Variants in NAB2 observed in about 807,000 individuals in gnomAD.
NAB2 encodes the protein NGFI-A-binding protein 2.
In NAB2, 9 loss-of-function variants were observed where a neutral mutation model predicts 44.2. The ratio of observed to expected loss-of-function variants is 0.20; its 90% CI spans 0.12 to 0.36. NAB2 has a LOEUF of 0.36. NAB2 is among the 10% of genes least tolerant of loss of function. The pLI, the probability that NAB2 is intolerant of heterozygous loss-of-function variation, is 1.00. For missense variants in NAB2, 514 were observed against 709.0 expected (o/e 0.73, Z 3.12); for synonymous variants, 342 against 291.0 (o/e 1.18, Z -1.78).
At position 57,091,642 on chromosome 12, in the gene NAB2, G is replaced by A; in HGVS notation, c.601G>A (p.Glu201Lys). Reference sequence around the variant, plus strand: ...GTCGGACGTTGGGGCAGGAGGAGAAGAGGAGGCTGGCTCGCCCCCCTTCTC... The same window carrying A: ...GTCGGACGTTGGGGCAGGAGGAGAAAAGGAGGCTGGCTCGCCCCCCTTCTC... ...PESDVGAGGE[E>K]EAGSPPFSPP... The change falls in exon 2 of 7, where the codon GAG becomes AAG. Residue 201 changes from glutamate to lysine, a missense_variant. Coordinates refer to ENST00000300131, the MANE Select transcript of NAB2 (RefSeq NM_005967.4). The surrounding 1 kb of genome is among the most constrained non-coding windows in gnomAD (Gnocchi z 7.3). 1 of 1,607,918 alleles carries A rather than the reference G, an allele frequency of 6.2e-7. No individual in the cohort carries two copies. Among genetic ancestry groups the A allele is most frequent in the Non-Finnish European group, 8.5e-7 (1 of 1,176,512 alleles).
intron 3 of NAB2, 33 bp from the exon 4 acceptor site, chr12:57,092,884 C>T (rs761389540): frequency 6.2e-7 from 1 of 1,613,340 alleles, no homozygotes; most frequent in Non-Finnish European, 8.5e-7. Flanking sequence ...CCCTCGTCAG[C>T]CTCATCCACT....
At chr12:57,094,514 C>T (rs1001627481) in intron 6 of NAB2, 98 bp from the exon 7 acceptor site, 2 of 950,104 alleles carry the variant, frequency 2.1e-6, no homozygotes, top group African/African-American at 1.6e-5. Flanking sequence ...AAACTGAGCC[C>T]ATCTTCACAG....
rs2033194688 is a variant in NAB2 at position 57,091,832 on chromosome 12, T to C, written c.791T>C (p.Val264Ala). The C allele has an allele frequency of 6.2e-7, 1 of 1,613,850 alleles. No homozygotes were observed. The highest frequency in any genetic ancestry group is 8.5e-7 in the Non-Finnish European group (1 of 1,179,964). ...TTCCCAAGGGGGGATGCTGGGGAGG[T>C]CACATCCCTGCTAAAGCTGAATAAG... Reference protein sequence around the residue: ...RSFPRGDAGEVTSLLKLNKKL... With the variant: ...RSFPRGDAGEATSLLKLNKKL... Residue 264 changes from valine to alanine, a missense_variant, in exon 2 of 7, where the codon GTC (valine) becomes GCC (alanine). This residue lies in a region of NAB2 where 177 missense variants were observed against 200.5 expected (regional missense o/e 0.88). Transcript: ENST00000300131. The surrounding 1 kb of genome is among the most constrained non-coding windows in gnomAD (Gnocchi z 7.3).
In NAB2 at chr12:57,089,235, C is replaced by A. The variant is rs1023965173; in HGVS notation, c.-37C>A. On this transcript the variant is annotated 5_prime_UTR_variant, in exon 1 of 7. Transcript: ENST00000300131. ...CACGCAGCAGGCGCCGAGCGCCGGG[C>A]ACCGAGAAGGGCAGCCCGGGTGATC... The A allele has an allele frequency of 1.4e-5, 22 of 1,551,958 alleles. No homozygotes were observed. The highest frequency in any genetic ancestry group is 1.9e-5 in the Admixed American group (1 of 51,334).
At chr12:57,090,733 T>C (rs913647408) in intron 1 of NAB2, among the ~76,000 whole-genome samples, 3 of 152,166 alleles carry the variant, frequency 2.0e-5, no homozygotes, top group Admixed American at 6.5e-5. Context: ...GCTGAGTGTT[T>C]AGAGGGGAAG....
Position 57,091,299 on chromosome 12 carries a change from T to C in NAB2, c.258T>C (p.Leu86=). ...GEEEFLEIMA[L]VGMATKPLHV... ...AGGAGTTTCTGGAGATCATGGCACT[T>C]GTGGGCATGGCCACCAAGCCCCTCC... The change falls in exon 2 of 7, where the codon CTT becomes CTC. Residue 86 remains leucine (L), a synonymous_variant. Transcript: ENST00000300131. The surrounding 1 kb of genome is among the most constrained non-coding windows in gnomAD (Gnocchi z 7.3). The C allele has an allele frequency of 6.2e-7, 1 of 1,610,928 alleles. No homozygotes were observed. Among genetic ancestry groups the C allele is most frequent in the Non-Finnish European group, 8.5e-7 (1 of 1,177,330 alleles).
intron 2 of NAB2, 181 bp downstream of exon 2, chr12:57,092,179 G>T: frequency 8.5e-7 from 1 of 1,182,066 alleles, no homozygotes; most frequent in Non-Finnish European, 1.1e-6. Flanking sequence ...CTCAGCTGAG[G>T]GGGAAGCAGA....
rs772399002 is a variant in NAB2 at position 57,091,584 on chromosome 12, C to A, written c.543C>A (p.Asp181Glu). ...TGCCTGGGGGACCTGGGGCAGGGGACCCCCGGATCTGGCCAGGCCGGAGCA... is the reference window on the plus strand; with the variant it reads ...TGCCTGGGGGACCTGGGGCAGGGGAACCCCGGATCTGGCCAGGCCGGAGCA... ...SPLPGGPGAG[D>E]PRIWPGRSTP... is the part of the protein sequence containing the mutation. Residue 181 changes from aspartate (D) to glutamate (E), a missense_variant, in exon 2 of 7, where the codon GAC becomes GAA. This residue lies in a region of NAB2 where 177 missense variants were observed against 200.5 expected (regional missense o/e 0.88). Transcript: ENST00000300131. The surrounding 1 kb of genome is among the most constrained non-coding windows in gnomAD (Gnocchi z 7.3). 5.0e-6 allele frequency: 8 copies of A among 1,605,086 alleles called. No homozygotes were observed. In the South Asian group the frequency reaches 8.9e-5, roughly 18 times the overall value.
In NAB2 at chr12:57,092,403, G is replaced by A. The variant is rs552205694; in HGVS notation, c.958-45G>A. On this transcript the variant is annotated intron_variant, in intron 2 of 6. Coordinates refer to ENST00000300131, the MANE Select transcript of NAB2 (RefSeq NM_005967.4). ...GTGTGAGGAGGTCTGGTGAGGCAGCGGGGAAGTTCGAATTCTGACTCTCCT... is the reference window on the plus strand; with the variant it reads ...GTGTGAGGAGGTCTGGTGAGGCAGCAGGGAAGTTCGAATTCTGACTCTCCT... 17 of 1,605,646 alleles carry A rather than the reference G, an allele frequency of 1.1e-5. No individual in the cohort carries two copies. The East Asian group carries it at 2.9e-4, about 27-fold the overall frequency.
At chr12:57,092,344 G>A in intron 2 of NAB2, 104 bp from the exon 3 acceptor site, 2 of 1,482,694 alleles carry the variant, frequency 1.3e-6, no homozygotes, top group East Asian at 2.3e-5. Context: ...GCAAGCGTCT[G>A]ATGGATGGGC....
rs1281525385 is a variant in NAB2, at chr12:57,091,588, C to T, written c.547C>T (p.Arg183Trp). 2 of 1,604,904 alleles carry T rather than the reference C, an allele frequency of 1.2e-6. No homozygotes were observed. The highest frequency in any genetic ancestry group is 1.7e-6 in the Non-Finnish European group (2 of 1,173,858). ...LPGGPGAGDPRIWPGRSTPES... is the reference protein window; with the variant it reads ...LPGGPGAGDPWIWPGRSTPES... ...TGGGGGACCTGGGGCAGGGGACCCC[C>T]GGATCTGGCCAGGCCGGAGCACTCC... is the stretch of plus-strand genomic sequence containing the variant. Residue 183 changes from arginine to tryptophan, a missense_variant, in exon 2 of 7, where the codon CGG (arginine) becomes TGG (tryptophan). Arg to Trp is a moderately radical substitution (Grantham distance 101, BLOSUM62 -3). Transcript: ENST00000300131. This position sits in a 1 kb window ranked among gnomAD's most constrained non-coding sequence, Gnocchi z 7.3.
intron 6 of NAB2, among the ~76,000 whole-genome samples, chr12:57,094,366 G>C (rs912505733): frequency 6.6e-6 from 1 of 151,906 alleles, no homozygotes; most frequent in East Asian, 1.9e-4. Context: ...CAGCGCAACC[G>C]AGGAGGCGGG....
At chr12:57,094,472 C>T in intron 6 of NAB2, 140 bp from the exon 7 acceptor site, 10 of 710,038 alleles carry the variant, frequency 1.4e-5, no homozygotes, top group Non-Finnish European at 2.5e-5. Context: ...CATACACATG[C>T]AGTGGGCAGG....
In NAB2 at chr12:57,089,741, C is replaced by CCGGGCTCCTGGAGAAGG. The variant is rs60136664; in HGVS notation, c.83+390_83+391insGCTCCTGGAGAAGGCGG. On this transcript the variant is annotated intron_variant, in intron 1 of 6. Coordinates refer to ENST00000300131, the MANE Select transcript of NAB2 (RefSeq NM_005967.4). Reference sequence around the variant, plus strand: ...TCGTTGGCACGGAGCGCGCGGGCCCCCGGTGCCTTTGAGTTAAAGGAGCAT... The same window carrying CCGGGCTCCTGGAGAAGG: ...TCGTTGGCACGGAGCGCGCGGGCCCCCGGGCTCCTGGAGAAGGCGGTGCCTTTGAGTTAAAGGAGCAT... Among the ~76,000 whole-genome samples, 9 of 150,566 alleles carry CCGGGCTCCTGGAGAAGG rather than the reference C, an allele frequency of 6.0e-5. No homozygotes were observed. The South Asian group carries it at 6.3e-4, about 11-fold the overall frequency.
At chr12:57,094,572 G>C in intron 6 of NAB2, 40 bp from the exon 7 acceptor site, 2 of 1,490,232 alleles carry the variant, frequency 1.3e-6, no homozygotes, top group Non-Finnish European at 1.8e-6. Context: ...TCTGCAGCCA[G>C]TCACCCTGCA....
chr12:57,094,663 C>T lies in NAB2; in HGVS notation c.1520C>T (p.Ala507Val), dbSNP rs536132366. 7.2e-5 allele frequency: 112 copies of T among 1,555,924 alleles called. 1 individual carries two copies. The East Asian group carries it at 1.1e-3, about 16-fold the overall frequency. The part of the protein sequence containing the change: ...DRCPAPGPHP[A>V]LVEGRRSSVK... ...TGTCCTGCCCCAGGACCCCATCCCG[C>T]GCTGGTGGAGGGTCGCAGGAGCAGC... Residue 507 changes from alanine to valine, a missense_variant, in exon 7 of 7, where the codon GCG (alanine) becomes GTG (valine). Physicochemically the swap from Ala to Val is moderately conservative, Grantham distance 64. This residue lies in a region of NAB2 where 194 missense variants were observed against 223.9 expected (regional missense o/e 0.87). Transcript: ENST00000300131.
chr12:57,094,766 T>G lies in NAB2; in HGVS notation c.*45T>G. On this transcript the variant is annotated 3_prime_UTR_variant, in exon 7 of 7. Transcript: ENST00000300131. ...AGACCCAGGACCTCAGACTTCTGGC[T>G]CACACAGACCCCCACGCTCTCCATC... The G allele has an allele frequency of 6.8e-7, 1 of 1,469,736 alleles. No homozygotes were observed. The highest frequency in any genetic ancestry group is 2.5e-5 in the East Asian group (1 of 40,446). The allele number at this position is 1,469,736 out of a possible 1,614,324, so 91.0% of individuals were successfully genotyped here.
intron 1 of NAB2, among the ~76,000 whole-genome samples, chr12:57,090,176 G>T (rs142332627): frequency 6.6e-6 from 1 of 151,924 alleles, no homozygotes; most frequent in Non-Finnish European, 1.5e-5. Flanking sequence ...GAGAGAGGAA[G>T]CGTGCGTTAA....
In NAB2 at chr12:57,089,229, G is replaced by A; in HGVS notation, c.-43G>A. ...GGGCAGCACGCAGCAGGCGCCGAGC[G>A]CCGGGCACCGAGAAGGGCAGCCCGG... On this transcript the variant is annotated 5_prime_UTR_variant, in exon 1 of 7. Transcript: ENST00000300131. 6.5e-7 allele frequency: 1 copy of A among 1,545,160 alleles called. No homozygotes were observed. The highest frequency in any genetic ancestry group is 2.0e-5 in the Admixed American group (1 of 51,152).
Sources: allele counts gnomAD v4.1 joint callset (sites outside exome capture counted in the v4.1 genomes callset), GRCh38; gene constraint gnomAD v4.1.1; regional missense constraint gnomAD v4.1.1; non-coding constraint Gnocchi (gnomAD v3.1); transcripts MANE v1.5; gene names NCBI Gene and HGNC (gene_info 2026-07-23, HGNC 2026-07-21).